Variants in PTPRF observed in about 807,000 individuals in gnomAD.
PTPRF encodes receptor-type tyrosine-protein phosphatase F.
A neutral mutation model predicts 201.8 loss-of-function variants in PTPRF; 59 were observed. The observed-to-expected ratio is 0.29, with a 90% CI of 0.24 to 0.36. PTPRF has a LOEUF of 0.36. Among genes scored for constraint, PTPRF ranks in the 10% least tolerant of loss-of-function variants. PTPRF has a pLI of 1.00. For synonymous variants in PTPRF, 1,088 were observed against 1,089.7 expected (o/e 1.00, Z 0.03); for missense variants, 2,132 against 2,690.5 (o/e 0.79, Z 4.59).
At chr1:43,618,119 G>A (rs1254129974) in intron 25 of PTPRF, among the ~76,000 whole-genome samples, 2 of 152,220 alleles carry the variant, frequency 1.3e-5, no homozygotes, top group Non-Finnish European at 2.9e-5. Context: ...GGTTCCTTAA[G>A]ATGTTAATAT....
In PTPRF at chr1:43,546,005, G is replaced by A. The variant is rs1644648494; in HGVS notation, c.91+839G>A. Among the ~76,000 whole-genome samples the A allele has an allele frequency of 6.6e-6, 1 of 152,144 alleles. No homozygotes were observed. ...GCCAATCTGCAGGCTGAGGGGGAGG[G>A]GCGAGGTCGGAGCCAAGGTCCCTGG... On this transcript the variant is annotated intron_variant, in intron 3 of 33. Coordinates refer to ENST00000359947, the MANE Select transcript of PTPRF (RefSeq NM_002840.5). This position sits in a 1 kb window ranked among gnomAD's most constrained non-coding sequence, Gnocchi z 4.2.
intron 8 of PTPRF, among the ~76,000 whole-genome samples, chr1:43,589,477 G>A (rs1358785825): frequency 6.6e-6 from 1 of 152,000 alleles, no homozygotes; most frequent in East Asian, 1.9e-4. Flanking sequence ...CAAGAAGGGT[G>A]TGGTAAAATA....
chr1:43,607,013 G>A (rs376951370), intron 21 of PTPRF, 45 bp downstream of exon 21: 77 of 1,601,208 alleles, frequency 4.8e-5, no homozygotes, highest in Non-Finnish European at 6.0e-5. Context: ...CCTGCCCCTC[G>A]CCTTTCAGGC....
intron 3 of PTPRF, among the ~76,000 whole-genome samples, chr1:43,547,117 C>T (rs1209604922): frequency 1.3e-5 from 2 of 152,152 alleles, no homozygotes; most frequent in African/African-American, 4.8e-5. Flanking sequence ...CCCCCAGGGT[C>T]GTAACCCTTC....
At position 43,544,494 on chromosome 1, in the gene PTPRF, G is replaced by A. The variant is rs74579027; in HGVS notation, c.-45-537G>A. Among the ~76,000 whole-genome samples, 1,080 of 152,296 alleles carry A rather than the reference G, an allele frequency of 7.1e-3. 24 individuals carry two copies. The East Asian group carries it at 0.091, about 13-fold the overall frequency. Reference sequence around the variant, plus strand: ...TCAGGGGCCTGTGCTCAGCGTGCTCGTGGAGTCTGGCCTCCCACCTTCTCC... The same window carrying A: ...TCAGGGGCCTGTGCTCAGCGTGCTCATGGAGTCTGGCCTCCCACCTTCTCC... On this transcript the variant is annotated intron_variant, in intron 2 of 33. Transcript: ENST00000359947.
At position 43,537,807 on chromosome 1, in the gene PTPRF, C is replaced by T. The variant is rs1644114928; in HGVS notation, c.-125-391C>T. ...CATTTGAGGATCAGAAGAGGAAGTT[C>T]CCGTTCTGGCAGGAGGAGAGCATGG... On this transcript the variant is annotated intron_variant, in intron 1 of 33. Coordinates refer to ENST00000359947, the MANE Select transcript of PTPRF (RefSeq NM_002840.5). The surrounding 1 kb of genome is among the most constrained non-coding windows in gnomAD (Gnocchi z 4.8). Among the ~76,000 whole-genome samples the T allele has an allele frequency of 1.3e-5, 2 of 152,124 alleles. No homozygotes were observed. Among genetic ancestry groups the T allele is most frequent in the Admixed American group, 6.5e-5 (1 of 15,268 alleles).
chr1:43,545,882 C>G (rs1330423855), intron 3 of PTPRF, among the ~76,000 whole-genome samples: 1 of 152,214 alleles, frequency 6.6e-6, no homozygotes, highest in Non-Finnish European at 1.5e-5. Context: ...TGCTGCCCTT[C>G]CCCCTGCCTG....
At chr1:43,559,668 C>T (rs906806134) in intron 5 of PTPRF, among the ~76,000 whole-genome samples, 7 of 141,704 alleles carry the variant, frequency 4.9e-5, no homozygotes, top group Admixed American at 1.4e-4. Flanking sequence ...TGTTTATGTG[C>T]AGCATGCGGC....
chr1:43,585,958 C>T (rs1326075863), intron 7 of PTPRF, among the ~76,000 whole-genome samples: 2 of 152,170 alleles, frequency 1.3e-5, no homozygotes, highest in African/African-American at 4.8e-5. Flanking sequence ...GCTGGAGCAG[C>T]GTCCTCTCCT....
At chr1:43,595,190 A>ATTTTG (rs374750589) in intron 11 of PTPRF, among the ~76,000 whole-genome samples, 29 of 151,768 alleles carry the variant, frequency 1.9e-4, no homozygotes, top group African/African-American at 2.2e-4. Context: ...TGAGGGTGGG[A>ATTTTG]TTTTGTTTTG....
intron 23 of PTPRF, among the ~76,000 whole-genome samples, 187 bp downstream of exon 23, chr1:43,613,902 C>T (rs1299792718): frequency 6.6e-6 from 1 of 152,134 alleles, no homozygotes; most frequent in Non-Finnish European, 1.5e-5. Context: ...TGGGTCTGGC[C>T]ATAGCCTGGC....
At chr1:43,548,454 C>T (rs549426340) in intron 3 of PTPRF, among the ~76,000 whole-genome samples, 1 of 152,208 alleles carries the variant, frequency 6.6e-6, no homozygotes, top group East Asian at 1.9e-4. Context: ...TCGTCATGCT[C>T]TCCCCCTCGT....
At chr1:43,540,217 T>C (rs991386016) in intron 2 of PTPRF, among the ~76,000 whole-genome samples, 6 of 152,200 alleles carry the variant, frequency 3.9e-5, no homozygotes, top group Admixed American at 1.3e-4. Context: ...CAATCAAAAA[T>C]GTCTCCAGTC....
At chr1:43,619,933 C>T in intron 29 of PTPRF, 75 bp downstream of exon 29, 12 of 1,572,842 alleles carry the variant, frequency 7.6e-6, no homozygotes, top group African/African-American at 1.3e-5. Flanking sequence ...GGGTGGGCAG[C>T]AGAGTAGGGC....
intron 23 of PTPRF, among the ~76,000 whole-genome samples, chr1:43,615,621 C>CA (rs1423200023): frequency 8.4e-5 from 11 of 131,198 alleles, no homozygotes; most frequent in African/African-American, 3.2e-4. Context: ...GGCTGGAGTG[C>CA]AGTGGCGTGA....
intron 30 of PTPRF, 70 bp from the exon 31 acceptor site, chr1:43,620,384 C>A: frequency 1.3e-6 from 2 of 1,536,966 alleles, no homozygotes; most frequent in South Asian, 2.4e-5. Flanking sequence ...GTCCCAGAAT[C>A]CTGTGAAGCC....
chr1:43,523,051 A>C (rs1056286167), upstream of PTPRF, among the ~76,000 whole-genome samples: 1 of 152,202 alleles, frequency 6.6e-6, no homozygotes, highest in African/African-American at 2.4e-5. Context: ...GCATCAGCAG[A>C]GTTGAAGAGA....
At position 43,554,182 on chromosome 1, in the gene PTPRF, CGTTG is replaced by C. The variant is rs888089821; in HGVS notation, c.379+247_379+250del. Among the ~76,000 whole-genome samples, 32 of 152,228 alleles carry C rather than the reference CGTTG, an allele frequency of 2.1e-4. No individual in the cohort carries two copies. The highest frequency in any genetic ancestry group is 7.7e-4 in the African/African-American group (32 of 41,532). On this transcript the variant is annotated intron_variant, in intron 5 of 33. Coordinates refer to ENST00000359947, the MANE Select transcript of PTPRF (RefSeq NM_002840.5). This position sits in a 1 kb window ranked among gnomAD's most constrained non-coding sequence, Gnocchi z 4.1. ...TTTGTATTCTCCTGCTGAGCCGGGT[CGTTG>C]GTTGGGTGGGGTCTGGGGTCTGACT...
At chr1:43,586,612 G>A (rs1388523272) in intron 7 of PTPRF, among the ~76,000 whole-genome samples, 2 of 152,238 alleles carry the variant, frequency 1.3e-5, no homozygotes, top group Non-Finnish European at 2.9e-5. Flanking sequence ...ACCAGCGTAA[G>A]CAAAACAAGG....
Sources: allele counts gnomAD v4.1 joint callset (sites outside exome capture counted in the v4.1 genomes callset), GRCh38; gene constraint gnomAD v4.1.1; non-coding constraint Gnocchi (gnomAD v3.1); transcripts MANE v1.5; gene names NCBI Gene and HGNC (gene_info 2026-07-23, HGNC 2026-07-21).